Variants in APOB observed in about 807,000 individuals in gnomAD.
The protein encoded by APOB is apolipoprotein B-100.
APOB carries 153 observed loss-of-function variants against 314.1 expected under a neutral mutation model. The observed-to-expected ratio is 0.49, with a 90% CI of 0.43 to 0.56. APOB has a LOEUF of 0.56. Among genes scored for constraint, APOB ranks in the 20% least tolerant of loss-of-function variants. The probability of loss-of-function intolerance (pLI) is 0.00; values close to 1 mark genes in which losing one functional copy is unlikely to be tolerated. For synonymous variants in APOB, 2,087 were observed against 2,036.4 expected (o/e 1.02, Z -0.67); for missense variants, 5,430 against 5,350.7 (o/e 1.01, Z -0.46).
In APOB at chr2:21,005,568, T is replaced by C; in HGVS notation, c.11300A>G (p.Glu3767Gly). 1 of 1,614,062 alleles carries C rather than the reference T, an allele frequency of 6.2e-7. No homozygotes were observed. Among genetic ancestry groups the C allele is most frequent in the Non-Finnish European group, 8.5e-7 (1 of 1,179,976 alleles). ...TCTCAGCTTCTTATAGATTTGTATT[T>C]CTCTGAAGTCAAGTTTGCACGATGG... is the stretch of plus-strand genomic sequence containing the variant. Reference protein sequence around the residue: ...QVPSCKLDFREIQIYKKLRTS... With the variant: ...QVPSCKLDFRGIQIYKKLRTS... The change falls in exon 26 of 29, where the codon GAA becomes GGA. Residue 3767 changes from glutamate to glycine, a missense_variant. Physicochemically the swap from Glu to Gly is moderately conservative, Grantham distance 98 (BLOSUM62 -2). Transcript: ENST00000233242.
At chr2:21,043,772 C>T (rs1664196038) in intron 1 of APOB, 92 bp downstream of exon 1, 2 of 1,514,780 alleles carry the variant, frequency 1.3e-6, no homozygotes, top group Non-Finnish European at 1.8e-6. Context: ...TGGCTGCCCT[C>T]CCTCTGGCCT....
Position 21,010,041 on chromosome 2 carries a change from A to G in APOB, c.6827T>C (p.Ile2276Thr), listed in dbSNP as rs1553383646. The change falls in exon 26 of 29, where the codon ATA (isoleucine) becomes ACA (threonine). Residue 2276 changes from isoleucine (I) to threonine (T), a missense_variant. Ile to Thr is a moderately conservative substitution (Grantham distance 89). Coordinates refer to ENST00000233242, the MANE Select transcript of APOB (RefSeq NM_000384.3). ...CTTTCCAGCTAGGTGCTGGATGTCT[A>G]TATTCTGTATGTGTCTCTTAAGCTG... The part of the protein sequence containing the change: ...LQQLKRHIQN[I>T]DIQHLAGKLK... 3.7e-6 allele frequency: 6 copies of G among 1,613,622 alleles called. No individual in the cohort carries two copies. The highest frequency in any genetic ancestry group is 1.1e-5 in the South Asian group (1 of 91,076).
At position 21,006,044 on chromosome 2, in the gene APOB, A is replaced by T. The variant is rs1305580224; in HGVS notation, c.10824T>A (p.Ser3608Arg). ...CAAGGTCAGGGAAATCATGGAAGGAACTGGGCTGACTTGCATGGACCTGAA... is the reference window on the plus strand; with the variant it reads ...CAAGGTCAGGGAAATCATGGAAGGATCTGGGCTGACTTGCATGGACCTGAA... Reference protein sequence around the residue: ...ALVQVHASQPSSFHDFPDLGQ... With the variant: ...ALVQVHASQPRSFHDFPDLGQ... Residue 3608 changes from serine to arginine, a missense_variant, in exon 26 of 29, where the codon AGT becomes AGA. Ser to Arg is a moderately radical substitution (Grantham distance 110). This residue lies in a region of APOB where 3,281 missense variants were observed against 3,171.0 expected (regional missense o/e 1.03). Transcript: ENST00000233242. 2 of 1,614,012 alleles carry T rather than the reference A, an allele frequency of 1.2e-6. No individual in the cohort carries two copies. The highest frequency in any genetic ancestry group is 1.7e-6 in the Non-Finnish European group (2 of 1,179,938).
intron 25 of APOB, among the ~76,000 whole-genome samples, chr2:21,012,899 C>G (rs1395935040): frequency 6.6e-6 from 1 of 152,226 alleles, no homozygotes; most frequent in East Asian, 1.9e-4. Flanking sequence ...TACTTATATA[C>G]TACACTTTAT....
At position 21,037,248 on chromosome 2, in the gene APOB, A is replaced by C. The variant is rs1664027371; in HGVS notation, c.545T>G (p.Val182Gly). The C allele has an allele frequency of 6.2e-7, 1 of 1,613,868 alleles. No individual in the cohort carries two copies. Among genetic ancestry groups the C allele is most frequent in the African/African-American group, 1.3e-5 (1 of 74,886 alleles). ...EAKQVLFLDT[V>G]YGNCSTHFTV... ...AAAGTGAGTGGAGCAGTTTCCATACACGGTATCCTATGGAGGAAGAAGATG... is the reference window on the plus strand; with the variant it reads ...AAAGTGAGTGGAGCAGTTTCCATACCCGGTATCCTATGGAGGAAGAAGATG... The change falls in exon 6 of 29, where the codon GTG becomes GGG. Residue 182 changes from valine (V) to glycine (G), a missense_variant. By Grantham distance (109) the Val-to-Gly change is moderately radical. Transcript: ENST00000233242.
At chr2:21,043,140 G>A (rs1349487450) in intron 2 of APOB, among the ~76,000 whole-genome samples, 1 of 151,212 alleles carries the variant, frequency 6.6e-6, no homozygotes. Flanking sequence ...AATAGGAAGG[G>A]GGTGGAGGTT....
At chr2:21,043,389 G>A in intron 2 of APOB, 124 bp downstream of exon 2, 3 of 1,147,136 alleles carry the variant, frequency 2.6e-6, no homozygotes, top group South Asian at 2.6e-5. Context: ...TGCTTCCTGG[G>A]GTCAGAGCAA....
intron 1 of APOB, 52 bp from the exon 2 acceptor site, chr2:21,043,603 T>C (rs1272819725): frequency 6.4e-7 from 1 of 1,570,340 alleles, no homozygotes; most frequent in South Asian, 1.2e-5. Flanking sequence ...TCCCAGCGGG[T>C]GCTAGGGCCC....
rs2103357529 is a variant in APOB, at chr2:21,010,823, A to T, written c.6045T>A (p.Ala2015=). ...IGVELTGRTL[A]DLTLLDSPIK... ...TTGGGGAGTCTAGTAGAGTTAGGTC[A>T]GCCAGAGTTCGTCCAGTAAGCTCCA... The change falls in exon 26 of 29, where the codon GCT becomes GCA. Residue 2015 remains alanine (A), a synonymous_variant. Coordinates refer to ENST00000233242, the MANE Select transcript of APOB (RefSeq NM_000384.3). The T allele has an allele frequency of 6.2e-7, 1 of 1,614,180 alleles. No individual in the cohort carries two copies. Among genetic ancestry groups the T allele is most frequent in the Non-Finnish European group, 8.5e-7 (1 of 1,180,004 alleles).
In APOB at chr2:21,006,293, G is replaced by C. The variant is rs142573551; in HGVS notation, c.10575C>G (p.Ser3525Arg). The change falls in exon 26 of 29, where the codon AGC becomes AGG. Residue 3525 changes from serine (S) to arginine (R), a missense_variant. Around this residue, in one of 3 missense-constraint regions of APOB, gnomAD observed 3,281 missense variants for 3,171.0 expected, o/e 1.03. Coordinates refer to ENST00000233242, the MANE Select transcript of APOB (RefSeq NM_000384.3). ...CCTGCAGCTTCACTGAAGACCGTGT[G>C]CTCTTGGAATTCAAGTAAGTGTTGG... ...SEANTYLNSK[S>R]TRSSVKLQGT... 1 of 1,613,926 alleles carries C rather than the reference G, an allele frequency of 6.2e-7. No individual in the cohort carries two copies.
Position 21,038,007 on chromosome 2 carries a change from G to T in APOB, c.488C>A (p.Ala163Asp). 1.2e-6 allele frequency: 2 copies of T among 1,614,178 alleles called. No individual in the cohort carries two copies. The highest frequency in any genetic ancestry group is 1.1e-5 in the South Asian group (1 of 91,084). Reference sequence around the variant, plus strand: ...TTCTGTCTCTGGGGGAACCAGGAGGGCAGAAATGATGCCCCTCTTGATGTT... The same window carrying T: ...TTCTGTCTCTGGGGGAACCAGGAGGTCAGAAATGATGCCCCTCTTGATGTT... ...ILNIKRGIIS[A>D]LLVPPETEEA... The change falls in exon 5 of 29, where the codon GCC (alanine) becomes GAC (aspartate). Residue 163 changes from alanine to aspartate, a missense_variant. Coordinates refer to ENST00000233242, the MANE Select transcript of APOB (RefSeq NM_000384.3).
chr2:21,013,194 G>C lies in APOB; in HGVS notation c.4182C>G (p.Asp1394Glu), dbSNP rs1249513298. The stretch of plus-strand genomic sequence containing the variant: ...TGTAGGAAAGCAGGTCAACCACAGA[G>C]TCAGCCTTCATGTGGTAACGAGCCC... ...SLRARYHMKA[D>E]SVVDLLSYNV... Residue 1394 changes from aspartate to glutamate, a missense_variant, in exon 25 of 29, where the codon GAC becomes GAG. Asp to Glu is a conservative substitution (Grantham distance 45, BLOSUM62 2). Around this residue, in one of 3 missense-constraint regions of APOB, gnomAD observed 2,085 missense variants for 2,079.7 expected, o/e 1.00. Coordinates refer to ENST00000233242, the MANE Select transcript of APOB (RefSeq NM_000384.3). The C allele has an allele frequency of 6.2e-7, 1 of 1,614,152 alleles. No homozygotes were observed. Among genetic ancestry groups the C allele is most frequent in the South Asian group, 1.1e-5 (1 of 91,066 alleles).
In APOB at chr2:21,007,728, G is replaced by A. The variant is rs61742323; in HGVS notation, c.9140C>T (p.Thr3047Met). The change falls in exon 26 of 29, where the codon ACG (threonine) becomes ATG (methionine). Residue 3047 changes from threonine (T) to methionine (M), a missense_variant. Around this residue, in one of 3 missense-constraint regions of APOB, gnomAD observed 3,281 missense variants for 3,171.0 expected, o/e 1.03. Transcript: ENST00000233242. ...LFFSAQPFEITASTNNEGNLK... is the reference protein window; with the variant it reads ...LFFSAQPFEIMASTNNEGNLK... ...ATTCCCTTCATTGTTTGTGGATGCC[G>A]TGATCTCAAATGGCTGGGCTGAAAA... 5.6e-5 allele frequency: 91 copies of A among 1,613,960 alleles called. No homozygotes were observed. Among genetic ancestry groups the A allele is most frequent in the Middle Eastern group, 1.6e-4 (1 of 6,082 alleles).
rs139599466 is a variant in APOB, at chr2:21,005,607, G to A, written c.11261C>T (p.Thr3754Ile). Reference sequence around the variant, plus strand: ...TTTGCACGATGGAACCTGAAGATCTGTAAATGGGACATGGAACGTAGGCAT... The same window carrying A: ...TTTGCACGATGGAACCTGAAGATCTATAAATGGGACATGGAACGTAGGCAT... ...LVMPTFHVPF[T>I]DLQVPSCKLD... Residue 3754 changes from threonine (T) to isoleucine (I), a missense_variant, in exon 26 of 29, where the codon ACA becomes ATA. Physicochemically the swap from Thr to Ile is moderately conservative, Grantham distance 89. Around this residue, in one of 3 missense-constraint regions of APOB, gnomAD observed 3,281 missense variants for 3,171.0 expected, o/e 1.03. Transcript: ENST00000233242. 86 of 1,614,016 alleles carry A rather than the reference G, an allele frequency of 5.3e-5. No homozygotes were observed. The Middle Eastern group carries it at 8.3e-4, about 15-fold the overall frequency.
At position 21,011,811 on chromosome 2, in the gene APOB, G is replaced by A. The variant is rs1060500240; in HGVS notation, c.5057C>T (p.Thr1686Ile). The A allele has an allele frequency of 2.5e-6, 4 of 1,614,122 alleles. No homozygotes were observed. The East Asian group carries it at 8.9e-5, about 36-fold the overall frequency. The change falls in exon 26 of 29, where the codon ACA becomes ATA. Residue 1686 changes from threonine (T) to isoleucine (I), a missense_variant. Around this residue, in one of 3 missense-constraint regions of APOB, gnomAD observed 2,085 missense variants for 2,079.7 expected, o/e 1.00. Coordinates refer to ENST00000233242, the MANE Select transcript of APOB (RefSeq NM_000384.3). ...ATTGTGTTCCCTGAAGCGGCCATTT[G>A]TTGTTAATTTCATAGATGCCCCAGA... ...GLSGASMKLT[T>I]NGRFREHNAK... is the part of the protein sequence containing the mutation.
rs1347558609 is a variant in APOB, at chr2:21,013,150, C to CATA, written c.4216+7_4216+9dup. 2 of 1,613,300 alleles carry CATA rather than the reference C, an allele frequency of 1.2e-6. No individual in the cohort carries two copies. The highest frequency in any genetic ancestry group is 2.2e-5 in the South Asian group (2 of 91,022). ...TAGCCCGGTGCACCCTTTACCTGAG[C>CATA]ATAGCTCACCTTGCACATTGTAGGA... is the stretch of plus-strand genomic sequence containing the variant. On this transcript the variant is annotated intron_variant, in intron 25 of 28. Coordinates refer to ENST00000233242, the MANE Select transcript of APOB (RefSeq NM_000384.3).
chr2:21,043,807 T>C, intron 1 of APOB, 57 bp downstream of exon 1: 1 of 1,530,252 alleles, frequency 6.5e-7, no homozygotes, highest in Non-Finnish European at 8.7e-7. Flanking sequence ...CCGGCCAACC[T>C]CGTGCCGCCG....
Position 21,002,686 on chromosome 2 carries a change from A to T in APOB, c.12736T>A (p.Phe4246Ile). ...GGAAGTGTAATCACTAGGTCTTGGA[A>T]ATAGGAAAACAGTATTTCTGAACCA... ...HNGSEILFSY[F>I]QDLVITLPFE... is the part of the protein sequence containing the mutation. Residue 4246 changes from phenylalanine to isoleucine, a missense_variant, in exon 29 of 29, where the codon TTC becomes ATC. By Grantham distance (21) the Phe-to-Ile change is conservative. Around this residue, in one of 3 missense-constraint regions of APOB, gnomAD observed 3,281 missense variants for 3,171.0 expected, o/e 1.03. Transcript: ENST00000233242. 9.9e-6 allele frequency: 16 copies of T among 1,613,846 alleles called. No homozygotes were observed. Among genetic ancestry groups the T allele is most frequent in the Non-Finnish European group, 1.4e-5 (16 of 1,179,892 alleles).
chr2:21,019,627 G>T, intron 19 of APOB, 96 bp downstream of exon 19: 1 of 1,305,854 alleles, frequency 7.7e-7, no homozygotes, highest in South Asian at 1.2e-5. Context: ...CTAGTGACAG[G>T]GTCTTACAAC....
Sources: allele counts gnomAD v4.1 joint callset (sites outside exome capture counted in the v4.1 genomes callset), GRCh38; gene constraint gnomAD v4.1.1; regional missense constraint gnomAD v4.1.1; transcripts MANE v1.5; gene names NCBI Gene and HGNC (gene_info 2026-07-23, HGNC 2026-07-21).